MAPT: variants seen among roughly 807,000 people sequenced by gnomAD.
MAPT encodes the protein microtubule-associated protein tau.
A neutral mutation model predicts 67.9 loss-of-function variants in MAPT; 34 were observed. The ratio of observed to expected loss-of-function variants is 0.50; its 90% CI spans 0.38 to 0.67. The LOEUF is 0.67. Ranked by LOEUF, MAPT falls within the 30% of genes least tolerant of loss-of-function variation. The probability of loss-of-function intolerance (pLI) is 0.00; values close to 1 mark genes in which losing one functional copy is unlikely to be tolerated. For synonymous variants in MAPT, 456 were observed against 464.5 expected (o/e 0.98, Z 0.23); for missense variants, 881 against 1,115.2 (o/e 0.79, Z 2.99).
intron 9 of MAPT, among the ~76,000 whole-genome samples, chr17:46,006,541 A>C (rs1233625825): frequency 1.3e-5 from 2 of 152,192 alleles, no homozygotes; most frequent in Non-Finnish European, 2.9e-5. Flanking sequence ...GACAGCCAAC[A>C]GTAATTTATA....
At chr17:45,958,382 A>G (rs999091553) in intron 1 of MAPT, among the ~76,000 whole-genome samples, 3 of 152,210 alleles carry the variant, frequency 2.0e-5, no homozygotes, top group Admixed American at 1.3e-4. Flanking sequence ...AAGAGCCCAC[A>G]CAAGTCATTA....
chr17:45,960,190 G>A (rs1444206841), intron 1 of MAPT, among the ~76,000 whole-genome samples: 1 of 152,232 alleles, frequency 6.6e-6, no homozygotes, highest in African/African-American at 2.4e-5. Flanking sequence ...GTGCCACAAA[G>A]TATCTGCCTT....
intron 8 of MAPT, among the ~76,000 whole-genome samples, chr17:45,992,568 A>G (rs1162430060): frequency 6.6e-6 from 1 of 152,110 alleles, no homozygotes; most frequent in Non-Finnish European, 1.5e-5. Flanking sequence ...GCATCCATTG[A>G]GTTATTTTGC....
chr17:45,935,427 G>A (rs1415085872), intron 1 of MAPT, among the ~76,000 whole-genome samples: 6 of 152,134 alleles, frequency 3.9e-5, no homozygotes, highest in South Asian at 2.1e-4. Context: ...AGGTAGGCAC[G>A]CAGCTGGGGT....
intron 1 of MAPT, among the ~76,000 whole-genome samples, chr17:45,920,333 C>T (rs962754657): frequency 6.6e-6 from 1 of 152,144 alleles, no homozygotes; most frequent in Non-Finnish European, 1.5e-5. Flanking sequence ...TTCCTGAGTC[C>T]TCTCATTTCT....
chr17:45,899,622 C>T (rs1195794618), intron 1 of MAPT, among the ~76,000 whole-genome samples: 1 of 152,194 alleles, frequency 6.6e-6, no homozygotes, highest in Non-Finnish European at 1.5e-5. Flanking sequence ...AGTCTGGGAA[C>T]CCAGATATGA....
rs1408013394 is a variant in MAPT at position 45,962,428 on chromosome 17, A to T, written c.91A>T (p.Met31Leu). ...GDRKDQGGYT[M>L]HQDQEGDTDA... is the part of the protein sequence containing the mutation. Reference sequence around the variant, plus strand: ...CAGGAAAGATCAGGGGGGCTACACCATGCACCAAGACCAAGAGGGTGACAC... The same window carrying T: ...CAGGAAAGATCAGGGGGGCTACACCTTGCACCAAGACCAAGAGGGTGACAC... The change falls in exon 2 of 13, where the codon ATG (methionine) becomes TTG (leucine). Residue 31 changes from methionine (M) to leucine (L), a missense_variant. Around this residue, in one of 6 missense-constraint regions of MAPT, gnomAD observed 687 missense variants for 766.1 expected, o/e 0.90. Transcript: ENST00000262410. 1 of 1,612,784 alleles carries T rather than the reference A, an allele frequency of 6.2e-7. No homozygotes were observed. The highest frequency in any genetic ancestry group is 8.5e-7 in the Non-Finnish European group (1 of 1,179,962).
At chr17:45,986,948 C>G in intron 5 of MAPT, 92 bp from the exon 6 acceptor site, 1 of 1,106,172 alleles carries the variant, frequency 9.0e-7, no homozygotes, top group Non-Finnish European at 1.4e-6. Flanking sequence ...AAACATGGAC[C>G]TATCCCAGAG....
intron 1 of MAPT, among the ~76,000 whole-genome samples, chr17:45,943,665 C>T (rs1370613525): frequency 1.3e-5 from 2 of 152,284 alleles, no homozygotes; most frequent in East Asian, 3.9e-4. Flanking sequence ...TTTCAAACTC[C>T]CACCTACCCC....
At chr17:45,965,846 C>G (rs538278369) in intron 2 of MAPT, among the ~76,000 whole-genome samples, 10 of 152,348 alleles carry the variant, frequency 6.6e-5, no homozygotes, top group African/African-American at 2.4e-4. Flanking sequence ...TTGTAGCACT[C>G]TACTGTTGGC....
chr17:45,949,378 C>A (rs886318855), intron 1 of MAPT, among the ~76,000 whole-genome samples: 2 of 152,224 alleles, frequency 1.3e-5, no homozygotes, highest in Non-Finnish European at 2.9e-5. Context: ...ACTCGGGCTT[C>A]CCCTGAGCCC....
chr17:46,006,787 G>A (rs946775944), intron 9 of MAPT, among the ~76,000 whole-genome samples: 1 of 151,978 alleles, frequency 6.6e-6, no homozygotes, highest in Non-Finnish European at 1.5e-5. Flanking sequence ...GCCGGGCATG[G>A]TGGTGGGCGC....
chr17:45,923,674 T>C (rs2065978638), intron 1 of MAPT, among the ~76,000 whole-genome samples: 1 of 152,256 alleles, frequency 6.6e-6, no homozygotes, highest in African/African-American at 2.4e-5. Flanking sequence ...GCTCCCTTCT[T>C]GAATAATACA....
At chr17:45,914,956 A>C (rs1330854207) in intron 1 of MAPT, among the ~76,000 whole-genome samples, 2 of 151,956 alleles carry the variant, frequency 1.3e-5, no homozygotes, top group Admixed American at 6.5e-5. Context: ...GACTCAAGCA[A>C]TCCTCCTGCC....
chr17:45,976,488 T>TGAAGAC (rs2072370431), intron 3 of MAPT: 1 of 152,286 alleles, frequency 6.6e-6, no homozygotes, highest in Non-Finnish European at 1.5e-5. Context: ...TGCATGTGTC[T>TGAAGAC]TCAGCTACTG....
intron 12 of MAPT, among the ~76,000 whole-genome samples, chr17:46,019,221 T>C (rs1378822568): frequency 3.3e-5 from 5 of 152,136 alleles, no homozygotes; most frequent in African/African-American, 1.2e-4. Context: ...GGAACTCCCA[T>C]TTATAAAACC....
chr17:45,915,930 A>G lies in MAPT; in HGVS notation c.-18+21244A>G, dbSNP rs2065174197. Reference sequence around the variant, plus strand: ...CTTTTCTCTTAGTGCTTTCACCCAGATGACCACATTTCATCCTCCCAGCCA... The same window carrying G: ...CTTTTCTCTTAGTGCTTTCACCCAGGTGACCACATTTCATCCTCCCAGCCA... On this transcript the variant is annotated intron_variant, in intron 1 of 12. Transcript: ENST00000262410. This position sits in a 1 kb window ranked among gnomAD's most constrained non-coding sequence, Gnocchi z 4.4. 6.6e-6 allele frequency among the ~76,000 whole-genome samples: 1 copy of G among 152,200 alleles called. No homozygotes were observed. The highest frequency in any genetic ancestry group is 1.5e-5 in the Non-Finnish European group (1 of 68,032).
chr17:45,938,473 A>G (rs1289517742), intron 1 of MAPT, among the ~76,000 whole-genome samples: 3 of 152,172 alleles, frequency 2.0e-5, no homozygotes, highest in Admixed American at 2.0e-4. Flanking sequence ...GCTCACTCTG[A>G]TAATCTGGGA....
chr17:45,961,707 G>A (rs1187381892), intron 1 of MAPT, among the ~76,000 whole-genome samples: 2 of 151,960 alleles, frequency 1.3e-5, no homozygotes, highest in African/African-American at 2.4e-5. Context: ...TTAATGAAGT[G>A]GAAAGAGAGC....
Sources: allele counts gnomAD v4.1 joint callset (sites outside exome capture counted in the v4.1 genomes callset), GRCh38; gene constraint gnomAD v4.1.1; regional missense constraint gnomAD v4.1.1; non-coding constraint Gnocchi (gnomAD v3.1); transcripts MANE v1.5; gene names NCBI Gene and HGNC (gene_info 2026-07-23, HGNC 2026-07-21).